The following PNPLA7 variants were observed in gnomAD, a reference collection of about 807,000 sequenced individuals.
The protein encoded by PNPLA7 is patatin-like phospholipase domain-containing protein 7.
PNPLA7 carries 153 observed loss-of-function variants against 161.7 expected under a neutral mutation model. That is an observed-to-expected ratio of 0.95 (90% CI 0.83 to 1.08). The LOEUF is 1.08. PNPLA7 is among the 50% of genes least tolerant of loss of function. PNPLA7 has a pLI of 0.00. For synonymous variants in PNPLA7, 809 were observed against 782.1 expected (o/e 1.03, Z -0.57); for missense variants, 1,739 against 1,856.6 (o/e 0.94, Z 1.16).
At chr9:137,465,745 G>A (rs1211965452) in intron 26 of PNPLA7, among the ~76,000 whole-genome samples, 4 of 152,194 alleles carry the variant, frequency 2.6e-5, no homozygotes, top group African/African-American at 9.7e-5. Flanking sequence ...CGCACAGGGG[G>A]TGACGAATTT....
Position 137,490,288 on chromosome 9 carries a change from G to A in PNPLA7, c.2197+2725C>T, listed in dbSNP as rs1564303852. 1.3e-5 allele frequency among the ~76,000 whole-genome samples: 2 copies of A among 152,066 alleles called. No homozygotes were observed. The highest frequency in any genetic ancestry group is 2.4e-5 in the African/African-American group (1 of 41,394). ...TTTCAAATTTTATTCATAGAGACAGGGTCTCACTATGTTGCCCGGGCTGGT... is the reference window on the plus strand; with the variant it reads ...TTTCAAATTTTATTCATAGAGACAGAGTCTCACTATGTTGCCCGGGCTGGT... On this transcript the variant is annotated intron_variant, in intron 20 of 34. Coordinates refer to ENST00000406427, the MANE Select transcript of PNPLA7 (RefSeq NM_001098537.3). The surrounding 1 kb of genome is among the most constrained non-coding windows in gnomAD (Gnocchi z 4.1).
intron 1 of PNPLA7, among the ~76,000 whole-genome samples, chr9:137,548,723 G>C (rs1275539058): frequency 6.6e-6 from 1 of 152,194 alleles, no homozygotes; most frequent in East Asian, 1.9e-4. Flanking sequence ...ACTCCAGCCT[G>C]GGCGACAGAG....
chr9:137,524,776 TG>T lies in PNPLA7; in HGVS notation c.748-1920del, dbSNP rs1835215698. Among the ~76,000 whole-genome samples the T allele has an allele frequency of 6.6e-6, 1 of 151,996 alleles. No homozygotes were observed. Among genetic ancestry groups the T allele is most frequent in the Non-Finnish European group, 1.5e-5 (1 of 68,000 alleles). Reference sequence around the variant, plus strand: ...GCCCCGTGGAATGAGTTTCCGTGGATGCCCCGTGGAATGGGTTTCCGTGGAT... The same window carrying T: ...GCCCCGTGGAATGAGTTTCCGTGGATCCCCGTGGAATGGGTTTCCGTGGAT... On this transcript the variant is annotated intron_variant, in intron 8 of 34. Transcript: ENST00000406427. This position sits in a 1 kb window ranked among gnomAD's most constrained non-coding sequence, Gnocchi z 4.4.
At chr9:137,519,089 C>G (rs900584126) in intron 11 of PNPLA7, among the ~76,000 whole-genome samples, 1 of 152,084 alleles carries the variant, frequency 6.6e-6, no homozygotes, top group Non-Finnish European at 1.5e-5. Context: ...CTCCATCCCC[C>G]ACTCACTCAC....
At chr9:137,538,410 C>T (rs968970886) in intron 8 of PNPLA7, among the ~76,000 whole-genome samples, 1 of 152,216 alleles carries the variant, frequency 6.6e-6, no homozygotes, top group African/African-American at 2.4e-5. Context: ...TTGTTACGTC[C>T]TTTCCGAGCA....
chr9:137,520,541 T>G lies in PNPLA7; in HGVS notation c.958-498A>C, dbSNP rs1435535575. On this transcript the variant is annotated intron_variant, in intron 10 of 34. Coordinates refer to ENST00000406427, the MANE Select transcript of PNPLA7 (RefSeq NM_001098537.3). This position sits in a 1 kb window ranked among gnomAD's most constrained non-coding sequence, Gnocchi z 5.2. ...TCAGAATTATGATTTCCAACTGAAA[T>G]GCACATACTAAAGACTAATGCGTGC... Among the ~76,000 whole-genome samples the G allele has an allele frequency of 1.3e-5, 2 of 152,234 alleles. No individual in the cohort carries two copies. Among genetic ancestry groups the G allele is most frequent in the African/African-American group, 4.8e-5 (2 of 41,464 alleles).
At chr9:137,515,309 G>A (rs1004673089) in intron 12 of PNPLA7, 70 bp downstream of exon 12, 6 of 1,550,856 alleles carry the variant, frequency 3.9e-6, no homozygotes, top group African/African-American at 2.7e-5. Context: ...CATCAGTGCA[G>A]CTCAGCCTGG....
In PNPLA7 at chr9:137,543,008, C is replaced by G. The variant is rs183381015; in HGVS notation, c.507-207G>C. ...CCCGTGAGCCTGTTTTCCATCACCT[C>G]AGAGAACTTCTTGACCCGTGAACCT... On this transcript the variant is annotated intron_variant, in intron 6 of 34. Coordinates refer to ENST00000406427, the MANE Select transcript of PNPLA7 (RefSeq NM_001098537.3). The surrounding 1 kb of genome is among the most constrained non-coding windows in gnomAD (Gnocchi z 6.9). Among the ~76,000 whole-genome samples the G allele has an allele frequency of 3.3e-5, 5 of 152,332 alleles. No individual in the cohort carries two copies. The East Asian group carries it at 9.6e-4, about 29-fold the overall frequency.
intron 25 of PNPLA7, among the ~76,000 whole-genome samples, chr9:137,471,812 G>A (rs146215676): frequency 6.6e-6 from 1 of 152,076 alleles, no homozygotes; most frequent in Non-Finnish European, 1.5e-5. Flanking sequence ...CAGATTCAAT[G>A]TATTCCTCCA....
At chr9:137,522,908 C>A (rs61737628) in intron 8 of PNPLA7, 51 bp from the exon 9 acceptor site, 1 of 1,599,208 alleles carries the variant, frequency 6.3e-7, no homozygotes, top group South Asian at 1.1e-5. Flanking sequence ...GCCAACCCCC[C>A]AGGGAATGCC....
At chr9:137,521,870 C>T (rs1258234254) in intron 9 of PNPLA7, among the ~76,000 whole-genome samples, 154 bp from the exon 10 acceptor site, 1 of 152,202 alleles carries the variant, frequency 6.6e-6, no homozygotes, top group Non-Finnish European at 1.5e-5. Context: ...AGACTTGACA[C>T]CTCACCACGG....
Position 137,547,012 on chromosome 9 carries a change from A to T in PNPLA7, c.194-103T>A. Reference sequence around the variant, plus strand: ...CAGTCATACTCTCGTCCCTGCCAGTAACTGGCCATACTCAGACAGCATGAG... The same window carrying T: ...CAGTCATACTCTCGTCCCTGCCAGTTACTGGCCATACTCAGACAGCATGAG... On this transcript the variant is annotated intron_variant, in intron 3 of 34. Coordinates refer to ENST00000406427, the MANE Select transcript of PNPLA7 (RefSeq NM_001098537.3). The surrounding 1 kb of genome is among the most constrained non-coding windows in gnomAD (Gnocchi z 4.6). 3 of 1,101,186 alleles carry T rather than the reference A, an allele frequency of 2.7e-6. No homozygotes were observed. Among genetic ancestry groups the T allele is most frequent in the Non-Finnish European group, 4.1e-6 (3 of 736,258 alleles). The allele number at this position is 1,101,186 out of a possible 1,614,324, so 68.2% of individuals were successfully genotyped here. A position where few individuals can be genotyped will look rare whatever the true frequency, so the allele number is the denominator to read the frequency against.
At chr9:137,516,492 TC>T in intron 11 of PNPLA7, 1 of 985,294 alleles carries the variant, frequency 1.0e-6, no homozygotes, top group Non-Finnish European at 1.2e-6. Flanking sequence ...GAAATGCCAT[TC>T]AGGCAATGAC....
intron 10 of PNPLA7, among the ~76,000 whole-genome samples, chr9:137,521,316 A>G (rs531783951): frequency 4.6e-5 from 7 of 152,350 alleles, no homozygotes; most frequent in Non-Finnish European, 8.8e-5. Flanking sequence ...GCTGTTCACA[A>G]CCGTGTGGGC....
chr9:137,477,391 A>C (rs1831988519), intron 25 of PNPLA7, among the ~76,000 whole-genome samples: 1 of 152,198 alleles, frequency 6.6e-6, no homozygotes, highest in Non-Finnish European at 1.5e-5. Flanking sequence ...ATGCTGGGAA[A>C]GACCGGCTAA....
chr9:137,464,269 G>A, intron 27 of PNPLA7, 71 bp downstream of exon 27: 1 of 1,607,738 alleles, frequency 6.2e-7, no homozygotes, highest in Admixed American at 1.7e-5. Context: ...GCTGACCCAG[G>A]GCCAAGAGGT....
In PNPLA7 at chr9:137,520,350, C is replaced by T. The variant is rs779097057; in HGVS notation, c.958-307G>A. On this transcript the variant is annotated intron_variant, in intron 10 of 34. Coordinates refer to ENST00000406427, the MANE Select transcript of PNPLA7 (RefSeq NM_001098537.3). This position sits in a 1 kb window ranked among gnomAD's most constrained non-coding sequence, Gnocchi z 5.2. ...CTGGTCTGTTTAAGGCAACCAAGCT[C>T]AGCCTGCTTTTACCCTAGGCCCTGT... Among the ~76,000 whole-genome samples, 2 of 152,218 alleles carry T rather than the reference C, an allele frequency of 1.3e-5. No homozygotes were observed. The highest frequency in any genetic ancestry group is 1.3e-4 in the Admixed American group (2 of 15,280).
chr9:137,528,039 T>C (rs1458348856), intron 8 of PNPLA7, among the ~76,000 whole-genome samples: 1 of 152,232 alleles, frequency 6.6e-6, no homozygotes, highest in Non-Finnish European at 1.5e-5. Flanking sequence ...ATAAAGCTGT[T>C]CAAAATATTT....
rs545804613 is a variant in PNPLA7, at chr9:137,486,620, G to A, written c.2198-1884C>T. Among the ~76,000 whole-genome samples, 39 of 151,924 alleles carry A rather than the reference G, an allele frequency of 2.6e-4. No homozygotes were observed. The highest frequency in any genetic ancestry group is 8.5e-4 in the African/African-American group (35 of 41,416). ...TCCCTCGGACTCGGCCCCCACCTCC[G>A]GCCCCAGGCTCCTACCCGACCCACC... On this transcript the variant is annotated intron_variant, in intron 20 of 34. Coordinates refer to ENST00000406427, the MANE Select transcript of PNPLA7 (RefSeq NM_001098537.3). This position sits in a 1 kb window ranked among gnomAD's most constrained non-coding sequence, Gnocchi z 6.0.
Sources: allele counts gnomAD v4.1 joint callset (sites outside exome capture counted in the v4.1 genomes callset), GRCh38; gene constraint gnomAD v4.1.1; non-coding constraint Gnocchi (gnomAD v3.1); transcripts MANE v1.5; gene names NCBI Gene and HGNC (gene_info 2026-07-23, HGNC 2026-07-21).